Variants in FHIP2A observed in about 807,000 individuals in gnomAD.
FHIP2A encodes family with sequence similarity 160 member B1.
In FHIP2A, 46 loss-of-function variants were observed where a neutral mutation model predicts 93.5. The ratio of observed to expected loss-of-function variants is 0.49; its 90% CI spans 0.39 to 0.63. The LOEUF (loss-of-function observed/expected upper bound fraction) is 0.63. Among genes scored for constraint, FHIP2A ranks in the 20% least tolerant of loss-of-function variants. FHIP2A has a pLI of 0.00. For missense variants in FHIP2A, 769 were observed against 909.7 expected, an observed-to-expected ratio of 0.85 and a Z score of 1.99; for synonymous variants, 332 against 326.5, an observed-to-expected ratio of 1.02 and a Z score of -0.18.
chr10:114,839,536 A>G (rs977965445), intron 5 of FHIP2A, among the ~76,000 whole-genome samples: 3 of 152,170 alleles, frequency 2.0e-5, no homozygotes, highest in African/African-American at 7.2e-5. Context: ...ACTGTCAGCC[A>G]ATATTTGCAT....
chr10:114,855,048 T>A, intron 13 of FHIP2A, 149 bp from the exon 14 acceptor site: 1 of 692,104 alleles, frequency 1.4e-6, no homozygotes, highest in Non-Finnish European at 2.4e-6. Flanking sequence ...AAGATCTGAG[T>A]CATCTCTTCC....
At chr10:114,897,529 A>G (rs1690607657) in intron 16 of FHIP2A, among the ~76,000 whole-genome samples, 1 of 152,236 alleles carries the variant, frequency 6.6e-6, no homozygotes, top group Non-Finnish European at 1.5e-5. Context: ...TTTGTATATT[A>G]TAAAAATATT....
At chr10:114,839,901 A>T (rs989598420) in intron 5 of FHIP2A, among the ~76,000 whole-genome samples, 1 of 147,852 alleles carries the variant, frequency 6.8e-6, no homozygotes, top group Non-Finnish European at 1.5e-5. Flanking sequence ...AAAAAAAAAA[A>T]GAAAAGAAAC....
At chr10:114,891,537 A>ATGTGTGTGTGTGTGTGTG (rs34032569) in intron 16 of FHIP2A, among the ~76,000 whole-genome samples, 8 of 137,204 alleles carry the variant, frequency 5.8e-5, no homozygotes, top group Middle Eastern at 3.6e-3. Context: ...ATATATATAT[A>ATGTGTGTGTGTGTGTGTG]TGTGTGTGTG....
At chr10:114,825,614 G>A (rs2083571281) in intron 1 of FHIP2A, among the ~76,000 whole-genome samples, 2 of 152,200 alleles carry the variant, frequency 1.3e-5, no homozygotes, top group South Asian at 4.1e-4. Context: ...TCTCAGTACA[G>A]AAATGATTGG....
At chr10:114,822,870 A>C (rs2083544842) in intron 1 of FHIP2A, among the ~76,000 whole-genome samples, 1 of 151,864 alleles carries the variant, frequency 6.6e-6, no homozygotes, top group African/African-American at 2.4e-5. Context: ...CTGCAATTGT[A>C]CTCTCCTTTG....
intron 16 of FHIP2A, among the ~76,000 whole-genome samples, chr10:114,891,219 AATATATAT>A (rs67046628): frequency 2.9e-5 from 4 of 138,466 alleles, no homozygotes; most frequent in Non-Finnish European, 4.7e-5. Flanking sequence ...AACAACAACA[AATATATAT>A]ATATATATAT....
intron 4 of FHIP2A, 49 bp from the exon 5 acceptor site, chr10:114,836,075 T>A (rs748025753): frequency 1.0e-5 from 15 of 1,441,684 alleles, no homozygotes; most frequent in African/African-American, 1.4e-5. Context: ...TTTACAAATT[T>A]GTAAAAAGTA....
intron 2 of FHIP2A, among the ~76,000 whole-genome samples, chr10:114,832,907 T>A (rs539262922): frequency 6.6e-6 from 1 of 152,096 alleles, no homozygotes; most frequent in East Asian, 1.9e-4. Context: ...AGAGAGGAGG[T>A]TTCACTGTGT....
In FHIP2A at chr10:114,835,519, C is replaced by T. The variant is rs748189991; in HGVS notation, c.295-18C>T. The T allele has an allele frequency of 1.3e-6, 2 of 1,527,834 alleles. No individual in the cohort carries two copies. Among genetic ancestry groups the T allele is most frequent in the Admixed American group, 1.8e-5 (1 of 56,278 alleles). The allele number at this position is 1,527,834 out of a possible 1,614,324, so 94.6% of individuals were successfully genotyped here. A position where few individuals can be genotyped will look rare whatever the true frequency, so the allele number is the denominator to read the frequency against. ...TGTCTGTTGTTTTCCTGTTGGCTTC[C>T]TTTTTTCCTATACCCAGTGTCCTCC... On this transcript the variant is annotated intron_variant, in intron 3 of 16. Transcript: ENST00000369248.
At chr10:114,822,256 C>T (rs2083532119) in intron 1 of FHIP2A, 133 bp downstream of exon 1, 1 of 367,574 alleles carries the variant, frequency 2.7e-6, no homozygotes, top group South Asian at 1.2e-4. Flanking sequence ...GGTGAGGCCC[C>T]AGGCGGGCGC....
chr10:114,861,156 A>AT (rs2083796182), intron 15 of FHIP2A, 75 bp from the exon 16 acceptor site: 2 of 1,569,192 alleles, frequency 1.3e-6, no homozygotes, highest in South Asian at 2.4e-5. Context: ...GGGAAGGAAG[A>AT]TTTTTCTTTT....
chr10:114,872,067 A>G (rs2083862774), intron 16 of FHIP2A, among the ~76,000 whole-genome samples: 1 of 152,218 alleles, frequency 6.6e-6, no homozygotes, highest in African/African-American at 2.4e-5. Flanking sequence ...AACTTCTCAA[A>G]TAATCCTCAG....
At chr10:114,844,477 T>G (rs1327420615) in intron 7 of FHIP2A, among the ~76,000 whole-genome samples, 1 of 152,238 alleles carries the variant, frequency 6.6e-6, no homozygotes, top group African/African-American at 2.4e-5. Flanking sequence ...GCCTAAGGTT[T>G]TGACATAATC....
intron 1 of FHIP2A, among the ~76,000 whole-genome samples, chr10:114,825,996 T>G (rs2083573539): frequency 6.6e-6 from 1 of 152,238 alleles, no homozygotes; most frequent in Non-Finnish European, 1.5e-5. Context: ...AGTTAAGAGT[T>G]CATGATGATT....
chr10:114,853,737 G>T (rs148473234), intron 13 of FHIP2A, among the ~76,000 whole-genome samples: 3 of 152,322 alleles, frequency 2.0e-5, no homozygotes, highest in Admixed American at 1.3e-4. Context: ...GGTGGCTCAT[G>T]CCTGTAATCC....
chr10:114,857,526 T>G (rs1050285929), intron 14 of FHIP2A, among the ~76,000 whole-genome samples: 1 of 152,034 alleles, frequency 6.6e-6, no homozygotes, highest in Non-Finnish European at 1.5e-5. Context: ...CTCAGGCTGG[T>G]CTTGAACTCC....
At chr10:114,845,091 A>C (rs908937297) in intron 7 of FHIP2A, among the ~76,000 whole-genome samples, 1 of 151,990 alleles carries the variant, frequency 6.6e-6, no homozygotes, top group East Asian at 1.9e-4. Flanking sequence ...TATTACAGGC[A>C]TGAGCCACCA....
In FHIP2A at chr10:114,847,113, TTACTGACATTTCACCAGAAAA is replaced by T; in HGVS notation, c.1593_1613del (p.Asp533_Thr539del). On this transcript the variant is annotated inframe_deletion, in exon 12 of 17. Transcript: ENST00000369248. Reference sequence around the variant, plus strand: ...AGAGATCTGGAAGAAGATCCATTATTTACTGACATTTCACCAGAAAACACTTTGCCAAACCAAGAGTGGCTT... The same window carrying T: ...AGAGATCTGGAAGAAGATCCATTATTCACTTTGCCAAACCAAGAGTGGCTT... The T allele has an allele frequency of 6.2e-7, 1 of 1,612,390 alleles. No homozygotes were observed. Among genetic ancestry groups the T allele is most frequent in the Non-Finnish European group, 8.5e-7 (1 of 1,178,862 alleles).
Sources: allele counts gnomAD v4.1 joint callset (sites outside exome capture counted in the v4.1 genomes callset), GRCh38; gene constraint gnomAD v4.1.1; transcripts MANE v1.5; gene names NCBI Gene and HGNC (gene_info 2026-07-23, HGNC 2026-07-21).